The following HAPLN1 variants were observed in gnomAD, a reference collection of about 807,000 sequenced individuals.
HAPLN1 encodes Cartilage link protein.
In HAPLN1, 13 loss-of-function variants were observed where a neutral mutation model predicts 36.5. The observed-to-expected ratio is 0.36, with a 90% CI of 0.23 to 0.57. HAPLN1 has a LOEUF of 0.57. Ranked by LOEUF, HAPLN1 falls within the 20% of genes least tolerant of loss-of-function variation. HAPLN1 has a pLI of 0.83. For missense variants in HAPLN1, 407 were observed against 439.7 expected, an observed-to-expected ratio of 0.93 and a Z score of 0.66; for synonymous variants, 202 against 169.8, an observed-to-expected ratio of 1.19 and a Z score of -1.48.
chr5:83,681,478 T>C (rs949853873), intron 1 of HAPLN1, among the ~76,000 whole-genome samples: 1 of 152,174 alleles, frequency 6.6e-6, no homozygotes, highest in Non-Finnish European at 1.5e-5. Context: ...TCATTTAAAA[T>C]TACTTTTTTA....
chr5:83,644,947 T>C (rs1749812518), intron 3 of HAPLN1, among the ~76,000 whole-genome samples: 1 of 152,212 alleles, frequency 6.6e-6, no homozygotes, highest in Admixed American at 6.5e-5. Context: ...GAGATCTGTC[T>C]ACAGTTTACA....
chr5:83,650,898 C>T (rs1010669797), intron 3 of HAPLN1, among the ~76,000 whole-genome samples: 1 of 151,952 alleles, frequency 6.6e-6, no homozygotes, highest in African/African-American at 2.4e-5. Context: ...TTTTCTTAGT[C>T]CCCTTTCAGC....
chr5:83,694,591 C>A (rs1436706504), intron 1 of HAPLN1, among the ~76,000 whole-genome samples: 4 of 151,522 alleles, frequency 2.6e-5, no homozygotes, highest in Admixed American at 6.6e-5. Flanking sequence ...TAGAAATAAA[C>A]AATAAGAAAA....
chr5:83,687,581 T>G (rs971167523), intron 1 of HAPLN1, among the ~76,000 whole-genome samples: 2 of 152,224 alleles, frequency 1.3e-5, no homozygotes, highest in South Asian at 4.1e-4. Context: ...GTCACACTAA[T>G]GTGATGAGAT....
At chr5:83,687,214 A>C (rs1751148661) in intron 1 of HAPLN1, among the ~76,000 whole-genome samples, 1 of 152,200 alleles carries the variant, frequency 6.6e-6, no homozygotes, top group Admixed American at 6.5e-5. Flanking sequence ...AACTGCAAAA[A>C]ATGGCAAATT....
chr5:83,686,821 A>T (rs997302604), intron 1 of HAPLN1, among the ~76,000 whole-genome samples: 1 of 152,122 alleles, frequency 6.6e-6, no homozygotes, highest in African/African-American at 2.4e-5. Flanking sequence ...ACAGAAAACA[A>T]AAGAAGGTCA....
chr5:83,672,264 A>C (rs1750748990), intron 2 of HAPLN1, among the ~76,000 whole-genome samples: 1 of 152,212 alleles, frequency 6.6e-6, no homozygotes, highest in Admixed American at 6.5e-5. Context: ...AGAAGGTAAA[A>C]GGGTATTATT....
intron 1 of HAPLN1, among the ~76,000 whole-genome samples, chr5:83,698,786 C>G (rs1348633113): frequency 6.6e-6 from 1 of 152,124 alleles, no homozygotes; most frequent in African/African-American, 2.4e-5. Context: ...CAGTAAAAAT[C>G]TTAATTGGAA....
At chr5:83,717,727 G>T (rs983979071) in intron 1 of HAPLN1, among the ~76,000 whole-genome samples, 4 of 152,106 alleles carry the variant, frequency 2.6e-5, no homozygotes, top group African/African-American at 7.2e-5. Flanking sequence ...TTTTTGTCTA[G>T]AATTTTTTTT....
At chr5:83,656,617 G>A (rs1188823445) in intron 2 of HAPLN1, among the ~76,000 whole-genome samples, 1 of 152,054 alleles carries the variant, frequency 6.6e-6, no homozygotes. Context: ...TGTCCAGTGG[G>A]GGACTGAAAT....
intron 2 of HAPLN1, among the ~76,000 whole-genome samples, chr5:83,662,579 TGTTG>T (rs1750436058): frequency 6.6e-6 from 1 of 152,224 alleles, no homozygotes; most frequent in African/African-American, 2.4e-5. Flanking sequence ...TTTACTAATA[TGTTG>T]AGTGACATTC....
At chr5:83,661,844 C>T (rs1008100848) in intron 2 of HAPLN1, among the ~76,000 whole-genome samples, 1 of 152,072 alleles carries the variant, frequency 6.6e-6, no homozygotes, top group African/African-American at 2.4e-5. Flanking sequence ...AAAATGGGGA[C>T]CATTTTTACC....
chr5:83,679,854 T>C (rs1040717804), intron 1 of HAPLN1, among the ~76,000 whole-genome samples: 11 of 152,200 alleles, frequency 7.2e-5, no homozygotes, highest in African/African-American at 2.6e-4. Context: ...ATTAAAAGAG[T>C]TGACGTCAAA....
intron 1 of HAPLN1, among the ~76,000 whole-genome samples, chr5:83,675,608 A>G (rs988826935): frequency 6.6e-6 from 1 of 152,208 alleles, no homozygotes; most frequent in African/African-American, 2.4e-5. Flanking sequence ...GTTCCATACC[A>G]TAGTATTTAA....
chr5:83,706,779 G>A (rs553750840), intron 1 of HAPLN1, among the ~76,000 whole-genome samples: 26 of 152,296 alleles, frequency 1.7e-4, no homozygotes, highest in Non-Finnish European at 3.4e-4. Context: ...TAGGAAGAGA[G>A]GAAGTCAAAT....
chr5:83,644,799 G>A (rs530267807), intron 3 of HAPLN1, 134 bp from the exon 4 acceptor site: 9 of 506,588 alleles, frequency 1.8e-5, no homozygotes, highest in African/African-American at 1.6e-4. Flanking sequence ...ACTAGCAACT[G>A]TTTCTCATGA....
intron 1 of HAPLN1, among the ~76,000 whole-genome samples, chr5:83,717,035 GA>G (rs1048171437): frequency 5.4e-5 from 8 of 147,266 alleles, no homozygotes; most frequent in African/African-American, 7.5e-5. Flanking sequence ...CCATCTCAAG[GA>G]AAAAAAAACA....
intron 1 of HAPLN1, among the ~76,000 whole-genome samples, chr5:83,715,324 A>G (rs1751893538): frequency 6.6e-6 from 1 of 152,244 alleles, no homozygotes; most frequent in Non-Finnish European, 1.5e-5. Context: ...AATAAACCAG[A>G]GAACTATCAG....
intron 1 of HAPLN1, among the ~76,000 whole-genome samples, chr5:83,710,824 G>A (rs1159625913): frequency 2.0e-5 from 3 of 151,996 alleles, no homozygotes; most frequent in Admixed American, 1.3e-4. Context: ...GGTGGCAGGC[G>A]CCTGTAGTCC....
Sources: gnomAD v4.1 joint callset for allele counts (sites outside exome capture counted in the v4.1 genomes callset) on GRCh38, gnomAD v4.1.1 for gene constraint, MANE v1.5 for transcripts, NCBI Gene and HGNC (gene_info 2026-07-23, HGNC 2026-07-21) for gene names.